Variants in ROR2 observed in about 807,000 individuals in gnomAD.
The protein encoded by ROR2 is ROR family WNT receptor 2, also known as tyrosine-protein kinase transmembrane receptor ROR2.
A neutral mutation model predicts 74.9 loss-of-function variants in ROR2; 33 were observed. The observed-to-expected ratio is 0.44, with a 90% CI of 0.33 to 0.59. The LOEUF is 0.59. Ranked by LOEUF, ROR2 falls within the 20% of genes least tolerant of loss-of-function variation. The pLI is 0.02. For missense variants in ROR2, 1,216 were observed against 1,313.8 expected (o/e 0.93, Z 1.15); for synonymous variants, 586 against 558.7 (o/e 1.05, Z -0.69).
Position 91,756,072 on chromosome 9 carries a change from G to C in ROR2, c.493C>G (p.Gln165Glu). The change falls in exon 4 of 9, where the codon CAG becomes GAG. Residue 165 changes from glutamine (Q) to glutamate (E), a missense_variant and splice_region_variant. Physicochemically the swap from Gln to Glu is conservative, Grantham distance 29. Transcript: ENST00000375708. ...GGCTTGGGGAAAACAGATACTTACT[G>C]AAAGTTATGATTTGGGCTGTGCGTT... ...GPTHSPNHNF[Q>E]DDYHEDGFCQ... 6.2e-7 allele frequency: 1 copy of C among 1,613,952 alleles called. No individual in the cohort carries two copies. Among genetic ancestry groups the C allele is most frequent in the South Asian group, 1.1e-5 (1 of 91,088 alleles).
rs1832090780 is a variant in ROR2, at chr9:91,948,972, TC to T, written c.97+894del. On this transcript the variant is annotated intron_variant, in intron 1 of 8. Transcript: ENST00000375708. ...ACCTAGGCAGGTCCCAAGCTGCACT[TC>T]CGAACCTCCCCGCCGTTCCTCTGCG... The T allele has an allele frequency of 3.1e-6, 3 of 956,820 alleles. No individual in the cohort carries two copies. In the African/African-American group the frequency reaches 5.3e-5, roughly 17 times the overall value. The allele number at this position is 956,820 out of a possible 1,614,324, so 59.3% of individuals were successfully genotyped here. A position where few individuals can be genotyped will look rare whatever the true frequency, so the allele number is the denominator to read the frequency against.
intron 1 of ROR2, among the ~76,000 whole-genome samples, chr9:91,846,897 C>A (rs1197391878): frequency 6.6e-6 from 1 of 152,148 alleles, no homozygotes; most frequent in Non-Finnish European, 1.5e-5. Context: ...CAGAACTGTG[C>A]CTCCAGAAAT....
At chr9:91,777,975 G>A (rs893601505) in intron 1 of ROR2, among the ~76,000 whole-genome samples, 1 of 152,234 alleles carries the variant, frequency 6.6e-6, no homozygotes, top group African/African-American at 2.4e-5. Context: ...TCCACAAGGA[G>A]AAGGGGATGT....
chr9:91,889,855 G>A (rs1461297833), intron 1 of ROR2, among the ~76,000 whole-genome samples: 1 of 152,172 alleles, frequency 6.6e-6, no homozygotes, highest in African/African-American at 2.4e-5. Context: ...GACCCACACG[G>A]AAGACACACT....
intron 1 of ROR2, among the ~76,000 whole-genome samples, chr9:91,849,751 CT>C: frequency 6.6e-6 from 1 of 152,344 alleles, no homozygotes; most frequent in Middle Eastern, 3.4e-3. Flanking sequence ...TGACTTCAAC[CT>C]CCCCAGATAG....
At chr9:91,800,210 C>T (rs1305871487) in intron 1 of ROR2, among the ~76,000 whole-genome samples, 1 of 151,990 alleles carries the variant, frequency 6.6e-6, no homozygotes, top group Non-Finnish European at 1.5e-5. Flanking sequence ...GGGGCGGTGG[C>T]ACACGCCTAT....
At chr9:91,746,104 T>C (rs1332709552) in intron 4 of ROR2, among the ~76,000 whole-genome samples, 1 of 151,914 alleles carries the variant, frequency 6.6e-6, no homozygotes, top group African/African-American at 2.4e-5. Flanking sequence ...AAACATGGAG[T>C]CTCGCTCTGT....
chr9:91,845,059 T>C (rs7019210), intron 1 of ROR2, among the ~76,000 whole-genome samples: 59,067 of 151,726 alleles, frequency 0.39, 13,205 homozygotes, highest in African/African-American at 0.6. Flanking sequence ...CGGTGGCCTG[T>C]AAGGGGAGGG....
intron 1 of ROR2, among the ~76,000 whole-genome samples, chr9:91,825,761 G>A (rs59684520): frequency 0.019 from 2,923 of 152,232 alleles, 102 homozygotes; most frequent in African/African-American, 0.066. Context: ...AAAAGTGGGG[G>A]AGGGTAGGAT....
chr9:91,886,496 C>A (rs928072808), intron 1 of ROR2, among the ~76,000 whole-genome samples: 4 of 145,874 alleles, frequency 2.7e-5, no homozygotes, highest in African/African-American at 8.4e-5. Context: ...GACTGTGCAC[C>A]CACGCACGGC....
rs1408344298 is a variant in ROR2 at position 91,840,304 on chromosome 9, C to CAGGT, written c.98-64487_98-64486insACCT. Among the ~76,000 whole-genome samples, 8 of 152,314 alleles carry CAGGT rather than the reference C, an allele frequency of 5.3e-5. No homozygotes were observed. In the East Asian group the frequency reaches 5.8e-4, roughly 11 times the overall value. ...TTTCTCTTTCTCTTTCTAACCTTCT[C>CAGGT]TTCTTATGAATGAGGAAACCTGTAG... On this transcript the variant is annotated intron_variant, in intron 1 of 8. Coordinates refer to ENST00000375708, the MANE Select transcript of ROR2 (RefSeq NM_004560.4).
intron 1 of ROR2, among the ~76,000 whole-genome samples, chr9:91,799,294 T>G (rs752176313): frequency 3.3e-5 from 5 of 152,124 alleles, no homozygotes; most frequent in African/African-American, 4.8e-5. Context: ...TGGCCTCTCA[T>G]GAGTGGAATC....
At chr9:91,924,965 C>T (rs1831359908) in intron 1 of ROR2, among the ~76,000 whole-genome samples, 1 of 152,066 alleles carries the variant, frequency 6.6e-6, no homozygotes, top group Admixed American at 6.5e-5. Flanking sequence ...TCACTTTAGC[C>T]TCCCAAGTAG....
chr9:91,830,867 A>G (rs1305165291), intron 1 of ROR2, among the ~76,000 whole-genome samples: 2 of 145,468 alleles, frequency 1.4e-5, no homozygotes, highest in African/African-American at 2.6e-5. Flanking sequence ...GAGAAACTCA[A>G]GTTTGAAAAG....
intron 1 of ROR2, among the ~76,000 whole-genome samples, chr9:91,882,669 T>A (rs1392271005): frequency 2.0e-5 from 3 of 152,156 alleles, no homozygotes; most frequent in Non-Finnish European, 4.4e-5. Flanking sequence ...TGACTGTGTT[T>A]GGGGATAAGG....
At chr9:91,931,094 C>T (rs1587855814) in intron 1 of ROR2, among the ~76,000 whole-genome samples, 1 of 151,726 alleles carries the variant, frequency 6.6e-6, no homozygotes, top group African/African-American at 2.4e-5. Context: ...CCAAATGTGA[C>T]AAAAATGAGA....
Position 91,896,889 on chromosome 9 carries a change from T to C in ROR2, c.97+52978A>G, listed in dbSNP as rs375561374. 1.2e-4 allele frequency among the ~76,000 whole-genome samples: 18 copies of C among 152,356 alleles called. 1 individual carries two copies. The highest frequency in any genetic ancestry group is 7.7e-4 in the East Asian group (4 of 5,186). ...TCATTCCTGACAGGCCTCTGCTTTCTGCTTGGCCAGGCCCCAGCAAACACC... is the reference window on the plus strand; with the variant it reads ...TCATTCCTGACAGGCCTCTGCTTTCCGCTTGGCCAGGCCCCAGCAAACACC... On this transcript the variant is annotated intron_variant, in intron 1 of 8. Transcript: ENST00000375708.
rs112054737 is a variant in ROR2, at chr9:91,733,106, G to A, written c.937+16C>T. The stretch of plus-strand genomic sequence containing the variant: ...CCTGCGCCCCCCGGTCCCGCCCCGG[G>A]CCCTCGGGCACTCACAGCGGCCCAG... On this transcript the variant is annotated intron_variant, in intron 6 of 8. Coordinates refer to ENST00000375708, the MANE Select transcript of ROR2 (RefSeq NM_004560.4). The surrounding 1 kb of genome is among the most constrained non-coding windows in gnomAD (Gnocchi z 5.7). 8.5e-4 allele frequency: 1,345 copies of A among 1,578,082 alleles called. 10 individuals carry two copies. In the African/African-American group the frequency reaches 0.016, roughly 19 times the overall value.
chr9:91,732,903 G>A (rs746988840), intron 6 of ROR2, among the ~76,000 whole-genome samples: 9 of 152,210 alleles, frequency 5.9e-5, no homozygotes, highest in Non-Finnish European at 1.2e-4. Context: ...GCCCACATGC[G>A]AGCCTGGGGC....
Sources: gnomAD v4.1 joint callset for allele counts (sites outside exome capture counted in the v4.1 genomes callset) on GRCh38, gnomAD v4.1.1 for gene constraint, Gnocchi (gnomAD v3.1) non-coding constraint, MANE v1.5 for transcripts, NCBI Gene and HGNC (gene_info 2026-07-23, HGNC 2026-07-21) for gene names.